Variants in CPNE2 observed in about 807,000 individuals in gnomAD.
CPNE2 encodes the protein copine 2.
A neutral mutation model predicts 69.7 loss-of-function variants in CPNE2; 42 were observed. That is an observed-to-expected ratio of 0.60 (90% CI 0.47 to 0.78). The LOEUF (loss-of-function observed/expected upper bound fraction) is 0.78, where lower values mean the gene tolerates loss of function less well. Ranked by LOEUF, CPNE2 falls within the 30% of genes least tolerant of loss-of-function variation. CPNE2 has a pLI of 0.00. For synonymous variants in CPNE2, 294 were observed against 289.8 expected (o/e 1.01, Z -0.15); for missense variants, 587 against 732.0 (o/e 0.80, Z 2.29).
In CPNE2 at chr16:57,135,970, GAGA is replaced by G. The variant is rs2069877326; in HGVS notation, c.1168+1147_1168+1149del. On this transcript the variant is annotated intron_variant, in intron 13 of 15. Coordinates refer to ENST00000290776, the MANE Select transcript of CPNE2 (RefSeq NM_152727.6). ...AAGGAAGGGAAGGGGAAGGGGAAGG[GAGA>G]AGGAGGGAGGGAAGGAGGAAGGAAG... Among the ~76,000 whole-genome samples the G allele has an allele frequency of 2.1e-5, 3 of 141,998 alleles. No homozygotes were observed. The South Asian group carries it at 7.3e-4, about 35-fold the overall frequency. 93.2% of individuals were successfully genotyped at this position (141,998 alleles called of 152,430 possible).
At chr16:57,101,469 G>T (rs527617501) in intron 1 of CPNE2, among the ~76,000 whole-genome samples, 84 of 152,306 alleles carry the variant, frequency 5.5e-4, no homozygotes, top group Non-Finnish European at 1.1e-3. Context: ...TGAGGGTTCT[G>T]GTTAACAGAG....
At chr16:57,141,936 GC>G (rs1368888306) in intron 14 of CPNE2, 1 of 152,224 alleles carries the variant, frequency 6.6e-6, no homozygotes, top group Non-Finnish European at 1.5e-5. Flanking sequence ...GCTTTTGTCA[GC>G]CGTTTTTTAG....
chr16:57,126,404 G>T (rs1363795821), intron 11 of CPNE2, among the ~76,000 whole-genome samples: 1 of 152,202 alleles, frequency 6.6e-6, no homozygotes, highest in Non-Finnish European at 1.5e-5. Context: ...CTGGCGCCTA[G>T]TTCCCTAATG....
At chr16:57,095,747 G>A (rs2036717359) in intron 1 of CPNE2, among the ~76,000 whole-genome samples, 1 of 152,210 alleles carries the variant, frequency 6.6e-6, no homozygotes, top group Non-Finnish European at 1.5e-5. Flanking sequence ...TTATAGGCAT[G>A]AGCCACTGTG....
At chr16:57,102,411 C>T (rs1193414074) in intron 1 of CPNE2, among the ~76,000 whole-genome samples, 1 of 152,022 alleles carries the variant, frequency 6.6e-6, no homozygotes, top group Admixed American at 6.6e-5. Context: ...CCCTGAGGGT[C>T]CCAGAAGCCA....
At chr16:57,103,676 C>T (rs569357737) in intron 1 of CPNE2, among the ~76,000 whole-genome samples, 33 of 152,328 alleles carry the variant, frequency 2.2e-4, no homozygotes, top group African/African-American at 7.7e-4. Context: ...ACTGTCCCCT[C>T]CTCTCCGCCC....
rs955239717 is a variant in CPNE2, at chr16:57,121,865, C to T, written c.867+105C>T. ...AGCCAGCGAGGCCTGTGTTCAAATCCCGGCTCTGCCACATCCTGGCCCTAT... is the reference window on the plus strand; with the variant it reads ...AGCCAGCGAGGCCTGTGTTCAAATCTCGGCTCTGCCACATCCTGGCCCTAT... On this transcript the variant is annotated intron_variant, in intron 9 of 15. Coordinates refer to ENST00000290776, the MANE Select transcript of CPNE2 (RefSeq NM_152727.6). 99 of 1,057,202 alleles carry T rather than the reference C, an allele frequency of 9.4e-5. No homozygotes were observed. The South Asian group carries it at 1.3e-3, about 14-fold the overall frequency. 65.5% of individuals were successfully genotyped at this position (1,057,202 alleles called of 1,614,324 possible).
At chr16:57,129,389 A>C (rs1012965553) in intron 12 of CPNE2, among the ~76,000 whole-genome samples, 1 of 152,150 alleles carries the variant, frequency 6.6e-6, no homozygotes, top group Non-Finnish European at 1.5e-5. Context: ...TGTGTGACCA[A>C]GTGAGTGTGG....
At chr16:57,143,646 G>A (rs1431091658) in intron 14 of CPNE2, 1 of 152,494 alleles carries the variant, frequency 6.6e-6, no homozygotes, top group African/African-American at 2.4e-5. Flanking sequence ...GTCAGCATGA[G>A]GGTGACAGGC....
In CPNE2 at chr16:57,147,629, C is replaced by G; in HGVS notation, c.1618C>G (p.Leu540Val). ...QVVQYFKHKN[L>V]PPTNSEPA ...TGTGCAGTATTTCAAGCATAAAAACCTGCCCCCCACCAACTCGGAGCCCGC... is the reference window on the plus strand; with the variant it reads ...TGTGCAGTATTTCAAGCATAAAAACGTGCCCCCCACCAACTCGGAGCCCGC... The change falls in exon 16 of 16, where the codon CTG becomes GTG. Residue 540 changes from leucine (L) to valine (V), a missense_variant. By Grantham distance (32) the Leu-to-Val change is conservative. Around this residue, in one of 5 missense-constraint regions of CPNE2, gnomAD observed 185 missense variants for 252.3 expected, o/e 0.73. Coordinates refer to ENST00000290776, the MANE Select transcript of CPNE2 (RefSeq NM_152727.6). 3 of 1,605,056 alleles carry G rather than the reference C, an allele frequency of 1.9e-6. No homozygotes were observed. The highest frequency in any genetic ancestry group is 2.6e-6 in the Non-Finnish European group (3 of 1,173,704).
chr16:57,124,390 T>G (rs1176531836), intron 10 of CPNE2: 1 of 456,126 alleles, frequency 2.2e-6, no homozygotes, highest in East Asian at 7.0e-5. Flanking sequence ...CCCTCACTAT[T>G]TTCCTATTTT....
At chr16:57,145,764 C>T (rs111404026) in intron 14 of CPNE2, 12,349 of 359,386 alleles carry the variant, frequency 0.034, 279 homozygotes, top group Middle Eastern at 0.094. Context: ...TAGAGTCCCA[C>T]AGTATAGCAA....
intron 13 of CPNE2, among the ~76,000 whole-genome samples, chr16:57,135,082 G>C (rs1430912144): frequency 6.6e-6 from 1 of 152,140 alleles, no homozygotes; most frequent in East Asian, 1.9e-4. Flanking sequence ...CTCCTTACCT[G>C]CTCCAGGATA....
At chr16:57,133,831 C>T (rs2069856524) in intron 12 of CPNE2, among the ~76,000 whole-genome samples, 1 of 152,186 alleles carries the variant, frequency 6.6e-6, no homozygotes, top group African/African-American at 2.4e-5. Context: ...ATAACAGCTG[C>T]CCTTCCATTG....
At chr16:57,132,834 A>T (rs1362165414) in intron 12 of CPNE2, among the ~76,000 whole-genome samples, 1 of 152,042 alleles carries the variant, frequency 6.6e-6, no homozygotes, top group Non-Finnish European at 1.5e-5. Flanking sequence ...TATGAAATGG[A>T]GTTGCTGGAG....
chr16:57,105,176 C>G (rs569441367), intron 1 of CPNE2, among the ~76,000 whole-genome samples: 11 of 152,262 alleles, frequency 7.2e-5, no homozygotes, highest in African/African-American at 2.6e-4. Flanking sequence ...GGGAGCCTGG[C>G]TGGGCTGACA....
intron 6 of CPNE2, 55 bp downstream of exon 6, chr16:57,119,333 T>G: frequency 3.2e-6 from 5 of 1,556,720 alleles, no homozygotes; most frequent in Non-Finnish European, 4.4e-6. Context: ...GTCCAGCCCC[T>G]CCACAGCTCT....
chr16:57,102,858 T>G (rs1028779425), intron 1 of CPNE2, among the ~76,000 whole-genome samples: 3 of 152,262 alleles, frequency 2.0e-5, no homozygotes, highest in South Asian at 4.1e-4. Flanking sequence ...CGCCTCAGCC[T>G]CCCCAAGTGC....
At chr16:57,107,114 C>T (rs551365948) in intron 1 of CPNE2, among the ~76,000 whole-genome samples, 4 of 152,350 alleles carry the variant, frequency 2.6e-5, no homozygotes, top group African/African-American at 9.6e-5. Flanking sequence ...CTCTCAGCCA[C>T]ACAGCAAGAC....
Sources: allele counts gnomAD v4.1 joint callset (sites outside exome capture counted in the v4.1 genomes callset), GRCh38; gene constraint gnomAD v4.1.1; regional missense constraint gnomAD v4.1.1; transcripts MANE v1.5; gene names NCBI Gene and HGNC (gene_info 2026-07-23, HGNC 2026-07-21).